GRHL3: variants seen among roughly 807,000 people sequenced by gnomAD.
GRHL3 encodes grainyhead like transcription factor 3, also known as grainyhead-like protein 3 homolog.
GRHL3 carries 20 observed loss-of-function variants against 70.3 expected under a neutral mutation model. That is an observed-to-expected ratio of 0.28 (90% CI 0.20 to 0.41). The LOEUF is 0.41. Ranked by LOEUF, GRHL3 falls within the 10% of genes least tolerant of loss-of-function variation. GRHL3 has a pLI of 1.00. For missense variants in GRHL3, 637 were observed against 762.3 expected (o/e 0.84, Z 1.94); for synonymous variants, 299 against 299.9 (o/e 1.00, Z 0.03).
In GRHL3 at chr1:24,354,729, C is replaced by T. The variant is rs1640649511; in HGVS notation, c.*241C>T. On this transcript the variant is annotated 3_prime_UTR_variant, in exon 16 of 16. Transcript: ENST00000361548. Reference sequence around the variant, plus strand: ...CCTGAACTTCCTGCCAGTGCCTCCCCGTACCCCAAAACAATGTCACCATGG... The same window carrying T: ...CCTGAACTTCCTGCCAGTGCCTCCCTGTACCCCAAAACAATGTCACCATGG... The T allele has an allele frequency of 7.0e-6, 3 of 427,700 alleles. No individual in the cohort carries two copies. The highest frequency in any genetic ancestry group is 5.5e-5 in the South Asian group (2 of 36,544). The allele number at this position is 427,700 out of a possible 1,614,324, so 26.5% of individuals were successfully genotyped here. A position where few individuals can be genotyped will look rare whatever the true frequency, so the allele number is the denominator to read the frequency against.
At chr1:24,353,605 T>C (rs1242435115) in intron 15 of GRHL3, among the ~76,000 whole-genome samples, 1 of 151,818 alleles carries the variant, frequency 6.6e-6, no homozygotes, top group Non-Finnish European at 1.5e-5. Context: ...TGGGTGGATA[T>C]ACCCAACTCC....
Position 24,337,746 on chromosome 1 carries a change from C to T in GRHL3, c.797C>T (p.Pro266Leu). Residue 266 changes from proline (P) to leucine (L), a missense_variant, in exon 6 of 16, where the codon CCA becomes CTA. Physicochemically the swap from Pro to Leu is moderately conservative, Grantham distance 98. Coordinates refer to ENST00000361548, the MANE Select transcript of GRHL3 (RefSeq NM_198173.3). The part of the protein sequence containing the change: ...GQFYPVTLRT[P>L]AGGKGLALSS... Reference sequence around the variant, plus strand: ...TTCTACCCCGTCACCCTGCGGACCCCAGCAGGTGGCAAAGGCCTTGCCTTG... The same window carrying T: ...TTCTACCCCGTCACCCTGCGGACCCTAGCAGGTGGCAAAGGCCTTGCCTTG... The T allele has an allele frequency of 6.2e-7, 1 of 1,614,244 alleles. No individual in the cohort carries two copies. Among genetic ancestry groups the T allele is most frequent in the Non-Finnish European group, 8.5e-7 (1 of 1,180,050 alleles).
At position 24,334,485 on chromosome 1, in the gene GRHL3, G is replaced by A. The variant is rs912312409; in HGVS notation, c.205-160G>A. On this transcript the variant is annotated intron_variant, in intron 2 of 15. Transcript: ENST00000361548. This position sits in a 1 kb window ranked among gnomAD's most constrained non-coding sequence, Gnocchi z 4.3. ...ATGCAATTACCTCCCACTCCCATGT[G>A]ATTATGGGAACTACGATTCAAGATG... Among the ~76,000 whole-genome samples, 1 of 152,098 alleles carries A rather than the reference G, an allele frequency of 6.6e-6. No homozygotes were observed. Among genetic ancestry groups the A allele is most frequent in the African/African-American group, 2.4e-5 (1 of 41,410 alleles).
intron 5 of GRHL3, 115 bp downstream of exon 5, chr1:24,337,266 G>A (rs758378789): frequency 2.9e-6 from 2 of 695,050 alleles, no homozygotes; most frequent in East Asian, 5.4e-5. Context: ...AGAAGTGGGG[G>A]ATGAAGGCAG....
At chr1:24,360,738 C>T in intron 15 of GRHL3, 1 of 935,142 alleles carries the variant, frequency 1.1e-6, no homozygotes, top group Non-Finnish European at 1.6e-6. Flanking sequence ...CTACCCTCAT[C>T]CCTGTAACCT....
chr1:24,328,063 C>T (rs1639460441), intron 1 of GRHL3, among the ~76,000 whole-genome samples: 1 of 152,214 alleles, frequency 6.6e-6, no homozygotes, highest in South Asian at 2.1e-4. Flanking sequence ...CATCTTGCCG[C>T]CTTCCTCCTG....
chr1:24,359,678 C>G (rs922783196), downstream of GRHL3, among the ~76,000 whole-genome samples: 65 of 152,348 alleles, frequency 4.3e-4, no homozygotes, highest in African/African-American at 1.5e-3. This position sits in a 1 kb window ranked among gnomAD's most constrained non-coding sequence, Gnocchi z 5.3. Context: ...ATCGTCAACA[C>G]TCACAGAAAG....
At chr1:24,350,211 G>T in intron 15 of GRHL3, 89 bp downstream of exon 15, 2 of 1,120,802 alleles carry the variant, frequency 1.8e-6, no homozygotes, top group Non-Finnish European at 2.6e-6. Flanking sequence ...GAGGGGATGT[G>T]GAGTTGGGGT....
rs377283957 is a variant in GRHL3 at position 24,319,609 on chromosome 1, G to C, written c.17+41G>C. ...TGGATACCTGCCGCTCTCAGAGCGT[G>C]GAGGCTGGATGGGGTTTCCTGGAGG... On this transcript the variant is annotated intron_variant, in intron 1 of 15. Transcript: ENST00000361548. The C allele has an allele frequency of 1.3e-5, 21 of 1,613,482 alleles. 1 individual carries two copies. Among genetic ancestry groups the C allele is most frequent in the Non-Finnish European group, 1.4e-5 (16 of 1,179,888 alleles).
At chr1:24,360,934 T>C (rs1427420423) in intron 15 of GRHL3, 9 of 1,614,078 alleles carry the variant, frequency 5.6e-6, no homozygotes, top group Non-Finnish European at 7.6e-6. Flanking sequence ...GATGAAATGC[T>C]TGCGGGGGCC....
At chr1:24,359,068 T>C (rs938356254), downstream of GRHL3, among the ~76,000 whole-genome samples, 4 of 152,172 alleles carry the variant, frequency 2.6e-5, no homozygotes, top group Admixed American at 2.6e-4. The surrounding 1 kb of genome is among the most constrained non-coding windows in gnomAD (Gnocchi z 5.3). Context: ...GAAACTCATG[T>C]TGATACTGAC....
chr1:24,343,020 G>A lies in GRHL3; in HGVS notation c.1414G>A (p.Gly472Arg). The A allele has an allele frequency of 6.2e-7, 1 of 1,614,082 alleles. No homozygotes were observed. Among genetic ancestry groups the A allele is most frequent in the Non-Finnish European group, 8.5e-7 (1 of 1,180,002 alleles). ...NVHFSSLQRSGGAAPSAGPSS... is the reference protein window; with the variant it reads ...NVHFSSLQRSRGAAPSAGPSS... ...GCACTTCTCCAGCCTGCAGCGCTCT[G>A]GAGGGGTGAGGCCAGGGCTGGGGTC... is the stretch of plus-strand genomic sequence containing the variant. Residue 472 changes from glycine to arginine, a missense_variant, in exon 11 of 16, where the codon GGA becomes AGA. Coordinates refer to ENST00000361548, the MANE Select transcript of GRHL3 (RefSeq NM_198173.3).
At chr1:24,332,219 C>T (rs569419303) in intron 2 of GRHL3, among the ~76,000 whole-genome samples, 78 of 152,312 alleles carry the variant, frequency 5.1e-4, no homozygotes, top group African/African-American at 1.8e-3. Flanking sequence ...TCGGGGCCTT[C>T]CCAAGGCCCA....
intron 1 of GRHL3, among the ~76,000 whole-genome samples, chr1:24,325,885 G>T (rs78923840): frequency 0.03 from 4,573 of 152,276 alleles, 223 homozygotes; most frequent in African/African-American, 0.1. Context: ...GAAGCCAGAC[G>T]GGGAGACTCT....
At chr1:24,323,155 A>G (rs1182951805) in intron 1 of GRHL3, 2 of 1,296,070 alleles carry the variant, frequency 1.5e-6, no homozygotes, top group Non-Finnish European at 2.2e-6. Flanking sequence ...GTATTTTACA[A>G]ACCTATGTTA....
chr1:24,346,533 C>A lies in GRHL3; in HGVS notation c.1455-20C>A. 1 of 1,587,258 alleles carries A rather than the reference C, an allele frequency of 6.3e-7. No homozygotes were observed. The highest frequency in any genetic ancestry group is 8.6e-7 in the Non-Finnish European group (1 of 1,156,646). The stretch of plus-strand genomic sequence containing the variant: ...GGGTCCCCAAGTTTCTCACAAGCTC[C>A]CCCACTGCCATCCCCACAGGCTGCC... On this transcript the variant is annotated intron_variant, in intron 12 of 15. Coordinates refer to ENST00000361548, the MANE Select transcript of GRHL3 (RefSeq NM_198173.3).
intron 14 of GRHL3, 109 bp downstream of exon 14, chr1:24,347,662 G>GA: frequency 1.1e-6 from 1 of 906,636 alleles, no homozygotes; most frequent in Non-Finnish European, 1.8e-6. Flanking sequence ...TTGGCATGCC[G>GA]GTGGCCTACC....
rs928676714 is a variant in GRHL3 at position 24,330,810 on chromosome 1, G to A, written c.18-616G>A. On this transcript the variant is annotated intron_variant, in intron 1 of 15. Coordinates refer to ENST00000361548, the MANE Select transcript of GRHL3 (RefSeq NM_198173.3). ...CAGTACCCGGGTCCTTCCTGCCTCT[G>A]TGTGCCCTGCAGCCTTCAACTCCAG... is the stretch of plus-strand genomic sequence containing the variant. Among the ~76,000 whole-genome samples the A allele has an allele frequency of 4.6e-5, 7 of 152,300 alleles. No individual in the cohort carries two copies. In the Middle Eastern group the frequency reaches 0.01, roughly 222 times the overall value.
chr1:24,342,784 T>C lies in GRHL3; in HGVS notation c.1285+12T>C, dbSNP rs1557700778. 6.8e-6 allele frequency: 11 copies of C among 1,614,004 alleles called. No individual in the cohort carries two copies. The highest frequency in any genetic ancestry group is 6.8e-6 in the Non-Finnish European group (8 of 1,179,912). The stretch of plus-strand genomic sequence containing the variant: ...CTCCAGCAACAGTGGTCAGTGGGGA[T>C]CCAGGGCCTGGGTGGGCTCGGCTGG... On this transcript the variant is annotated intron_variant, in intron 10 of 15. Transcript: ENST00000361548. The surrounding 1 kb of genome is among the most constrained non-coding windows in gnomAD (Gnocchi z 4.8).
Sources: allele counts gnomAD v4.1 joint callset (sites outside exome capture counted in the v4.1 genomes callset), GRCh38; gene constraint gnomAD v4.1.1; non-coding constraint Gnocchi (gnomAD v3.1); transcripts MANE v1.5; gene names NCBI Gene and HGNC (gene_info 2026-07-23, HGNC 2026-07-21).